CDH13: variants seen among roughly 807,000 people sequenced by gnomAD.
CDH13 encodes cadherin 13, also known as cadherin-13.
Under a neutral mutation model 63.8 loss-of-function variants are expected in CDH13, and 24 were observed. That is an observed-to-expected ratio of 0.38 (90% CI 0.27 to 0.53). The LOEUF (loss-of-function observed/expected upper bound fraction) is 0.53, where lower values mean the gene tolerates loss of function less well. Among genes scored for constraint, CDH13 ranks in the 20% least tolerant of loss-of-function variants. The pLI, the probability that CDH13 is intolerant of heterozygous loss-of-function variation, is 0.85. For synonymous variants in CDH13, 503 were observed against 355.3 expected, an observed-to-expected ratio of 1.42 and a Z score of -4.67; for missense variants, 1,049 against 903.1, an observed-to-expected ratio of 1.16 and a Z score of -2.07.
chr16:83,121,542 A>G (rs914094586), intron 3 of CDH13, among the ~76,000 whole-genome samples: 2 of 152,200 alleles, frequency 1.3e-5, no homozygotes, highest in Non-Finnish European at 2.9e-5. Context: ...AGGGCATTGG[A>G]GTGATGATGA....
At chr16:83,525,280 C>G (rs8049580) in intron 7 of CDH13, among the ~76,000 whole-genome samples, 7 of 152,162 alleles carry the variant, frequency 4.6e-5, no homozygotes, top group African/African-American at 1.7e-4. Flanking sequence ...TTACTGAGCA[C>G]TTTGTCTGCA....
At chr16:83,079,482 T>C (rs1567809309) in intron 3 of CDH13, among the ~76,000 whole-genome samples, 1 of 152,114 alleles carries the variant, frequency 6.6e-6, no homozygotes, top group Admixed American at 6.6e-5. Flanking sequence ...TAACAGAAAA[T>C]ATGTGCTTTA....
intron 2 of CDH13, among the ~76,000 whole-genome samples, chr16:82,899,430 C>G (rs763299266): frequency 7.2e-5 from 11 of 152,182 alleles, no homozygotes; most frequent in Non-Finnish European, 1.6e-4. Flanking sequence ...TGAAAGGTAT[C>G]ATAAAATGGC....
chr16:83,382,736 A>C (rs2091592918), intron 6 of CDH13, among the ~76,000 whole-genome samples: 1 of 152,170 alleles, frequency 6.6e-6, no homozygotes, highest in African/African-American at 2.4e-5. Context: ...TTAACCTCAG[A>C]TCTGTCCAGC....
At chr16:82,813,438 AC>A (rs1299616475) in intron 1 of CDH13, among the ~76,000 whole-genome samples, 1 of 152,134 alleles carries the variant, frequency 6.6e-6, no homozygotes, top group East Asian at 1.9e-4. Flanking sequence ...AACCTTATTG[AC>A]TGATGTAGAC....
intron 1 of CDH13, among the ~76,000 whole-genome samples, chr16:82,812,731 A>G (rs2037508853): frequency 6.6e-6 from 1 of 152,132 alleles, no homozygotes; most frequent in African/African-American, 2.4e-5. Flanking sequence ...ACAGATAGTG[A>G]AGTAGTTGGA....
intron 3 of CDH13, among the ~76,000 whole-genome samples, chr16:83,056,049 A>C (rs945949433): frequency 5.3e-5 from 8 of 152,198 alleles, no homozygotes; most frequent in African/African-American, 1.4e-4. Context: ...GGAAATATTT[A>C]ACAGGCTTTT....
At chr16:83,230,509 G>C (rs146059074) in intron 5 of CDH13, among the ~76,000 whole-genome samples, 1 of 152,108 alleles carries the variant, frequency 6.6e-6, no homozygotes, top group Admixed American at 6.6e-5. Flanking sequence ...GTCCCAGGCC[G>C]GCACGGTGGC....
At chr16:82,841,160 C>G (rs6565071) in intron 1 of CDH13, among the ~76,000 whole-genome samples, 27,372 of 152,130 alleles carry the variant, frequency 0.18, 2,815 homozygotes, top group South Asian at 0.25. Flanking sequence ...CTGTTTGACT[C>G]CAAGCTCAAA....
At chr16:82,942,584 C>G (rs927650201) in intron 2 of CDH13, among the ~76,000 whole-genome samples, 1 of 152,164 alleles carries the variant, frequency 6.6e-6, no homozygotes, top group Non-Finnish European at 1.5e-5. Flanking sequence ...AGGGCATGCC[C>G]TGCTTGGCAG....
At chr16:83,352,436 A>G (rs955055413) in intron 6 of CDH13, among the ~76,000 whole-genome samples, 5 of 152,218 alleles carry the variant, frequency 3.3e-5, no homozygotes, top group African/African-American at 9.6e-5. Context: ...GAATAGAACT[A>G]CCATTTAATC....
rs553904010 is a variant in CDH13, at chr16:83,448,969, G to C, written c.782-37508G>C. Among the ~76,000 whole-genome samples the C allele has an allele frequency of 2.0e-5, 3 of 152,280 alleles. No individual in the cohort carries two copies. In the East Asian group the frequency reaches 5.8e-4, roughly 29 times the overall value. On this transcript the variant is annotated intron_variant, in intron 6 of 13. Coordinates refer to ENST00000567109, the MANE Select transcript of CDH13 (RefSeq NM_001257.5). ...GAGACAGATTACAGAAAGAAGTCAA[G>C]TGAAGCAACAATATGCTCCTAGATA...
intron 6 of CDH13, among the ~76,000 whole-genome samples, chr16:83,401,993 C>G (rs2091975614): frequency 6.6e-6 from 1 of 152,130 alleles, no homozygotes; most frequent in Admixed American, 6.5e-5. Flanking sequence ...AAAGCAATGA[C>G]TTTTCAAAAG....
chr16:83,749,673 G>T (rs1912915504), intron 11 of CDH13, among the ~76,000 whole-genome samples: 1 of 152,168 alleles, frequency 6.6e-6, no homozygotes, highest in Non-Finnish European at 1.5e-5. Flanking sequence ...AGCTGGACCA[G>T]ATCTTGTGCT....
At chr16:83,234,437 T>A (rs1170288279) in intron 5 of CDH13, among the ~76,000 whole-genome samples, 1 of 151,954 alleles carries the variant, frequency 6.6e-6, no homozygotes, top group Non-Finnish European at 1.5e-5. Context: ...GGATAGGTGA[T>A]TAGATGGAGG....
intron 8 of CDH13, among the ~76,000 whole-genome samples, chr16:83,659,232 G>A (rs1913211263): frequency 6.7e-6 from 1 of 149,730 alleles, no homozygotes; most frequent in Non-Finnish European, 1.5e-5. Flanking sequence ...TCACCAGCAA[G>A]GTCCCATGTC....
rs184449051 is a variant in CDH13 at position 82,725,218 on chromosome 16, C to T, written c.45+98081C>T. Among the ~76,000 whole-genome samples, 346 of 152,214 alleles carry T rather than the reference C, an allele frequency of 2.3e-3. 2 individuals carry two copies. Among genetic ancestry groups the T allele is most frequent in the Non-Finnish European group, 3.6e-3 (246 of 68,002 alleles). ...TCAAAAGAATGTTTTCCTGCTGTTT[C>T]CCTCATTGCAAATAACGTACATATG... is the stretch of plus-strand genomic sequence containing the variant. On this transcript the variant is annotated intron_variant, in intron 1 of 13. Coordinates refer to ENST00000567109, the MANE Select transcript of CDH13 (RefSeq NM_001257.5).
rs963764359 is a variant in CDH13 at position 83,031,992 on chromosome 16, G to T, written c.158-18G>T. On this transcript the variant is annotated intron_variant, in intron 2 of 13. Transcript: ENST00000567109. ...CCAACCTACTCATGCTCCTTCTGTT[G>T]TTTCGTTTGTTTCCCAGTGACCTTC... 2.6e-6 allele frequency: 4 copies of T among 1,561,068 alleles called. No individual in the cohort carries two copies. In the Admixed American group the frequency reaches 5.7e-5, roughly 22 times the overall value.
chr16:83,256,389 C>T (rs549200739), intron 5 of CDH13, among the ~76,000 whole-genome samples: 5 of 152,176 alleles, frequency 3.3e-5, no homozygotes, highest in African/African-American at 7.2e-5. Flanking sequence ...TCCCTGAGAT[C>T]GTCAGGACCC....
Sources: gnomAD v4.1 joint callset for allele counts (sites outside exome capture counted in the v4.1 genomes callset) on GRCh38, gnomAD v4.1.1 for gene constraint, MANE v1.5 for transcripts, NCBI Gene and HGNC (gene_info 2026-07-23, HGNC 2026-07-21) for gene names.